Variants in TCF3 observed in about 807,000 individuals in gnomAD.
The protein encoded by TCF3 is transcription factor 3.
Under a neutral mutation model 72.3 loss-of-function variants are expected in TCF3, and 54 were observed. That is an observed-to-expected ratio of 0.75 (90% CI 0.60 to 0.94). The LOEUF is 0.94. Among genes scored for constraint, TCF3 ranks in the 40% least tolerant of loss-of-function variants. TCF3 has a pLI of 0.00. For missense variants in TCF3, 1,078 were observed against 934.4 expected (o/e 1.15, Z -2.00); for synonymous variants, 525 against 412.6 (o/e 1.27, Z -3.30).
Position 1,611,689 on chromosome 19 carries a change from C to T in TCF3, c.*18G>A, listed in dbSNP as rs2060997847. On this transcript the variant is annotated 3_prime_UTR_variant, in exon 19 of 19. Coordinates refer to ENST00000262965, the MANE Select transcript of TCF3 (RefSeq NM_003200.5). ...ACAGGGCTGAAAGCGGGTGGCTCGT[C>T]CCACGGAGGCATACCTTTCACATGT... 1 of 1,605,942 alleles carries T rather than the reference C, an allele frequency of 6.2e-7. No individual in the cohort carries two copies. Among genetic ancestry groups the T allele is most frequent in the Non-Finnish European group, 8.5e-7 (1 of 1,175,102 alleles).
At chr19:1,619,679 T>C (rs1270527907) in intron 14 of TCF3, 101 bp downstream of exon 14, 1 of 1,304,702 alleles carries the variant, frequency 7.7e-7, no homozygotes, top group Non-Finnish European at 1.1e-6. Context: ...AGCTTGGGGC[T>C]TATTTACAAG....
chr19:1,629,271 G>A (rs1406700092), intron 5 of TCF3, among the ~76,000 whole-genome samples: 2 of 152,046 alleles, frequency 1.3e-5, no homozygotes, highest in East Asian at 1.9e-4. Flanking sequence ...GACAGGCCTG[G>A]GGGCCCTGGC....
intron 2 of TCF3, among the ~76,000 whole-genome samples, chr19:1,649,796 T>A (rs2066716199): frequency 6.6e-6 from 1 of 152,146 alleles, no homozygotes; most frequent in Non-Finnish European, 1.5e-5. Context: ...ATCTTTTACT[T>A]ACTTTTAATT....
chr19:1,611,471 C>T lies in TCF3; in HGVS notation c.*236G>A, dbSNP rs903581184. 38 of 496,356 alleles carry T rather than the reference C, an allele frequency of 7.7e-5. No homozygotes were observed. The Middle Eastern group carries it at 2.1e-3, about 27-fold the overall frequency. The allele number at this position is 496,356 out of a possible 1,614,324, so 30.7% of individuals were successfully genotyped here. The stretch of plus-strand genomic sequence containing the variant: ...ACAGAGTGACACGGTGGCTGAGATT[C>T]GGGGACAGGGGGAGCGAGGCCAGTG... On this transcript the variant is annotated 3_prime_UTR_variant, in exon 19 of 19. Transcript: ENST00000262965.
intron 6 of TCF3, among the ~76,000 whole-genome samples, chr19:1,626,086 T>G (rs924377540): frequency 2.7e-4 from 41 of 152,316 alleles, no homozygotes; most frequent in African/African-American, 7.9e-4. Context: ...TACATGTTAG[T>G]GTGAAACGGG....
At chr19:1,621,410 C>T (rs1436462907) in intron 11 of TCF3, among the ~76,000 whole-genome samples, 1 of 151,266 alleles carries the variant, frequency 6.6e-6, no homozygotes, top group Non-Finnish European at 1.5e-5. Context: ...GGTGAGTCCC[C>T]TTCTGGGCCT....
intron 3 of TCF3, among the ~76,000 whole-genome samples, chr19:1,637,056 G>A (rs543370189): frequency 3.8e-4 from 58 of 152,272 alleles, no homozygotes; most frequent in African/African-American, 1.4e-3. Flanking sequence ...CCAGAACCGG[G>A]GACGCCTCGC....
chr19:1,646,307 C>G lies in TCF3; in HGVS notation c.145+48G>C, dbSNP rs919135658. 3.9e-6 allele frequency: 6 copies of G among 1,535,246 alleles called. No homozygotes were observed. In the Admixed American group the frequency reaches 1.2e-4, roughly 30 times the overall value. ...CGCCCGCACACTGTCTTCAACAGAC[C>G]CTTGATCTCCTCACTCCACGAGCGC... On this transcript the variant is annotated intron_variant, in intron 3 of 18. Transcript: ENST00000262965.
Position 1,614,785 on chromosome 19 carries a change from T to G in TCF3, c.1822+500A>C, listed in dbSNP as rs886726970. Among the ~76,000 whole-genome samples, 41 of 151,866 alleles carry G rather than the reference T, an allele frequency of 2.7e-4. No homozygotes were observed. Among genetic ancestry groups the G allele is most frequent in the African/African-American group, 9.4e-4 (39 of 41,418 alleles). ...TGGGAAATGGGGGTGATAGGAAGTT[T>G]CCCTATCACCTTCAGATAGGGAAAC... On this transcript the variant is annotated intron_variant, in intron 18 of 18. Transcript: ENST00000262965. This position sits in a 1 kb window ranked among gnomAD's most constrained non-coding sequence, Gnocchi z 5.6.
chr19:1,644,971 G>C (rs572191201), intron 3 of TCF3, among the ~76,000 whole-genome samples: 1 of 152,272 alleles, frequency 6.6e-6, no homozygotes, highest in Non-Finnish European at 1.5e-5. Flanking sequence ...GCTGTTTCCG[G>C]GGGGCTGGCA....
In TCF3 at chr19:1,632,055, A is replaced by G. The variant is rs1276892993; in HGVS notation, c.281T>C (p.Leu94Pro). Reference sequence around the variant, plus strand: ...GCACTCACCTCCGAGTCCCGGTCCCAGGAATGTGGATGAAGAGAGGCTGCT... The same window carrying G: ...GCACTCACCTCCGAGTCCCGGTCCCGGGAATGTGGATGAAGAGAGGCTGCT... Reference protein sequence around the residue: ...SHSSLSSSTFLGPGLGGKSGE... With the variant: ...SHSSLSSSTFPGPGLGGKSGE... The change falls in exon 5 of 19, where the codon CTG (leucine) becomes CCG (proline). Residue 94 changes from leucine to proline, a missense_variant. Transcript: ENST00000262965. The G allele has an allele frequency of 3.1e-6, 5 of 1,613,306 alleles. No individual in the cohort carries two copies. The African/African-American group carries it at 5.3e-5, about 17-fold the overall frequency.
chr19:1,632,299 A>G (rs771173521), intron 4 of TCF3, 33 bp downstream of exon 4: 2 of 1,564,980 alleles, frequency 1.3e-6, no homozygotes, highest in Non-Finnish European at 1.7e-6. Flanking sequence ...GGGACAGGAA[A>G]CTCAGGGTCT....
intron 2 of TCF3, among the ~76,000 whole-genome samples, chr19:1,647,329 T>G (rs538334912): frequency 1.2e-4 from 18 of 152,322 alleles, no homozygotes; most frequent in African/African-American, 4.1e-4. Context: ...CATCGGGGCT[T>G]AAGTGATCAA....
rs200944840 is a variant in TCF3, at chr19:1,627,419, G to T, written c.306C>A (p.Ser102Arg). 1 of 1,611,688 alleles carries T rather than the reference G, an allele frequency of 6.2e-7. No individual in the cohort carries two copies. ...TFLGPGLGGK[S>R]GERGAYASFG... ...AGGAGGCATAGGCGCCCCGCTCACC[G>T]CTCTTGCCTGCAAGGGGAGAAGGAA... Residue 102 changes from serine (S) to arginine (R), a missense_variant, in exon 6 of 19, where the codon AGC (serine) becomes AGA (arginine). Transcript: ENST00000262965.
chr19:1,647,219 C>T (rs1258826098), intron 2 of TCF3, among the ~76,000 whole-genome samples: 1 of 152,104 alleles, frequency 6.6e-6, no homozygotes. Context: ...ACGGGCTCAG[C>T]GGCATTAACC....
intron 7 of TCF3, among the ~76,000 whole-genome samples, chr19:1,624,965 C>T (rs908755500): frequency 6.6e-6 from 1 of 152,208 alleles, no homozygotes. Flanking sequence ...CCTGCCTCAG[C>T]CTCCTGAGTA....
At chr19:1,630,082 T>C (rs911433313) in intron 5 of TCF3, among the ~76,000 whole-genome samples, 1 of 152,208 alleles carries the variant, frequency 6.6e-6, no homozygotes, top group Non-Finnish European at 1.5e-5. Flanking sequence ...GCCCCACCCG[T>C]GGGGGTGGCA....
At position 1,627,434 on chromosome 19, in the gene TCF3, G is replaced by A. The variant is rs752836152; in HGVS notation, c.299-8C>T. On this transcript the variant is annotated splice_region_variant and splice_polypyrimidine_tract_variant and intron_variant, in intron 5 of 18. Coordinates refer to ENST00000262965, the MANE Select transcript of TCF3 (RefSeq NM_003200.5). The stretch of plus-strand genomic sequence containing the variant: ...CCCGCTCACCGCTCTTGCCTGCAAG[G>A]GGAGAAGGAAGGTTAGTGGGAGGCG... 23 of 1,611,650 alleles carry A rather than the reference G, an allele frequency of 1.4e-5. No homozygotes were observed. The South Asian group carries it at 2.4e-4, about 17-fold the overall frequency.
chr19:1,625,955 C>G (rs1045462588), intron 6 of TCF3, among the ~76,000 whole-genome samples: 6 of 152,188 alleles, frequency 3.9e-5, no homozygotes, highest in African/African-American at 1.4e-4. Context: ...TGTGGCCAAC[C>G]CAAGGGGCTG....
Sources: allele counts gnomAD v4.1 joint callset (sites outside exome capture counted in the v4.1 genomes callset), GRCh38; gene constraint gnomAD v4.1.1; non-coding constraint Gnocchi (gnomAD v3.1); transcripts MANE v1.5; gene names NCBI Gene and HGNC (gene_info 2026-07-23, HGNC 2026-07-21).